PTPRD: variants seen among roughly 807,000 people sequenced by gnomAD.
PTPRD encodes the protein receptor-type tyrosine-protein phosphatase delta.
Under a neutral mutation model 214.5 loss-of-function variants are expected in PTPRD, and 34 were observed. That is an observed-to-expected ratio of 0.16 (90% CI 0.12 to 0.21). The LOEUF (loss-of-function observed/expected upper bound fraction) is 0.21, where lower values mean the gene tolerates loss of function less well. Ranked by LOEUF, PTPRD falls within the 10% of genes least tolerant of loss-of-function variation. PTPRD has a pLI of 1.00. For missense variants in PTPRD, 2,545 were observed against 2,398.7 expected, an observed-to-expected ratio of 1.06 and a Z score of -1.27; for synonymous variants, 1,128 against 845.7, an observed-to-expected ratio of 1.33 and a Z score of -5.79.
intron 14 of PTPRD, among the ~76,000 whole-genome samples, chr9:8,582,794 C>G (rs575077878): frequency 6.6e-6 from 1 of 152,116 alleles, no homozygotes; most frequent in Non-Finnish European, 1.5e-5. Context: ...GAAATATAAA[C>G]TGGGACAATC....
chr9:9,586,860 T>A (rs1592265552), intron 7 of PTPRD, among the ~76,000 whole-genome samples: 1 of 152,000 alleles, frequency 6.6e-6, no homozygotes, highest in South Asian at 2.1e-4. Context: ...TATTCCATTT[T>A]ATCAGTGTTT....
At chr9:10,174,086 T>A (rs2099230068) in intron 3 of PTPRD, among the ~76,000 whole-genome samples, 1 of 152,136 alleles carries the variant, frequency 6.6e-6, no homozygotes, top group South Asian at 2.1e-4. Flanking sequence ...ATTAAGACAA[T>A]TTGCCTAATG....
chr9:9,812,095 G>C (rs1286450374), intron 5 of PTPRD, among the ~76,000 whole-genome samples: 3 of 151,132 alleles, frequency 2.0e-5, no homozygotes, highest in Non-Finnish European at 2.9e-5. Context: ...ATAATTGTTA[G>C]CAGTTTTTAG....
At chr9:9,249,120 C>T (rs566203153) in intron 9 of PTPRD, among the ~76,000 whole-genome samples, 42 of 152,082 alleles carry the variant, frequency 2.8e-4, no homozygotes, top group African/African-American at 9.4e-4. Flanking sequence ...TGGTGCCCTC[C>T]TATGGTTAAG....
At chr9:10,338,489 G>A (rs1016225589) in intron 3 of PTPRD, among the ~76,000 whole-genome samples, 28 of 151,668 alleles carry the variant, frequency 1.8e-4, no homozygotes, top group East Asian at 1.9e-4. Context: ...CATACTGTGG[G>A]TATTCAGTGT....
At chr9:10,229,930 T>C (rs2154355242) in intron 3 of PTPRD, among the ~76,000 whole-genome samples, 1 of 152,114 alleles carries the variant, frequency 6.6e-6, no homozygotes, top group African/African-American at 2.4e-5. Flanking sequence ...CACAAGCTTA[T>C]ATTAAAGAAC....
chr9:8,543,277 TC>T (rs1362708007), intron 14 of PTPRD, among the ~76,000 whole-genome samples: 2 of 152,208 alleles, frequency 1.3e-5, no homozygotes, highest in Non-Finnish European at 2.9e-5. Flanking sequence ...AATCTCTAAT[TC>T]TTAACAAAGT....
chr9:8,586,709 T>C (rs1391308404), intron 14 of PTPRD, among the ~76,000 whole-genome samples: 4 of 152,230 alleles, frequency 2.6e-5, no homozygotes, highest in African/African-American at 9.6e-5. Context: ...CCTTTGGTTT[T>C]CTATTGCTAC....
chr9:8,474,433 C>T (rs927908256), intron 30 of PTPRD, among the ~76,000 whole-genome samples: 2 of 152,156 alleles, frequency 1.3e-5, no homozygotes, highest in Admixed American at 6.5e-5. Flanking sequence ...CTTTCCAAAG[C>T]CCGTCTCCTC....
At chr9:10,215,392 C>T (rs753528017) in intron 3 of PTPRD, among the ~76,000 whole-genome samples, 4 of 151,896 alleles carry the variant, frequency 2.6e-5, no homozygotes, top group Non-Finnish European at 2.9e-5. Flanking sequence ...AAGATAGGTA[C>T]TAAAATATGA....
chr9:10,004,437 G>T (rs1036837271), intron 4 of PTPRD, among the ~76,000 whole-genome samples: 17 of 151,884 alleles, frequency 1.1e-4, no homozygotes, highest in African/African-American at 4.1e-4. Flanking sequence ...AAATGTATAT[G>T]TGTATGGCAG....
intron 10 of PTPRD, among the ~76,000 whole-genome samples, chr9:9,173,872 A>C (rs554547659): frequency 2.6e-5 from 4 of 152,054 alleles, no homozygotes; most frequent in Non-Finnish European, 5.9e-5. Context: ...CTTGTTCAAC[A>C]CTGTATCCCA....
intron 9 of PTPRD, among the ~76,000 whole-genome samples, chr9:9,355,233 A>G (rs761169944): frequency 1.1e-4 from 17 of 151,640 alleles, no homozygotes; most frequent in Non-Finnish European, 1.9e-4. Context: ...TATACCTCGA[A>G]AAAGCTGGAC....
chr9:8,614,654 AAG>A (rs2095552946), intron 14 of PTPRD, among the ~76,000 whole-genome samples: 1 of 152,164 alleles, frequency 6.6e-6, no homozygotes, highest in African/African-American at 2.4e-5. Flanking sequence ...TGCAAGAAAT[AAG>A]AGGGCATATA....
intron 12 of PTPRD, among the ~76,000 whole-genome samples, chr9:8,706,645 T>C (rs1047782817): frequency 2.3e-4 from 35 of 152,178 alleles, no homozygotes; most frequent in African/African-American, 8.2e-4. Flanking sequence ...TGCGTGAGCA[T>C]ATGCCAGGCA....
chr9:9,376,575 C>CATTT (rs1252098487), intron 9 of PTPRD, among the ~76,000 whole-genome samples: 1 of 151,944 alleles, frequency 6.6e-6, no homozygotes, highest in Admixed American at 6.6e-5. Context: ...CAGAAATTGA[C>CATTT]ATTTAATAAA....
intron 11 of PTPRD, among the ~76,000 whole-genome samples, chr9:8,998,770 T>C (rs2099406732): frequency 6.6e-6 from 1 of 152,078 alleles, no homozygotes; most frequent in Admixed American, 6.6e-5. Context: ...CTAGTCTACA[T>C]GCCATTAAGA....
chr9:9,426,692 C>A (rs919796652), intron 8 of PTPRD, among the ~76,000 whole-genome samples: 6 of 152,114 alleles, frequency 3.9e-5, no homozygotes, highest in Non-Finnish European at 7.4e-5. Context: ...TGGCTGGGTG[C>A]CCCTCTGAGA....
intron 8 of PTPRD, among the ~76,000 whole-genome samples, chr9:9,436,815 A>G (rs1257216856): frequency 2.6e-5 from 4 of 152,068 alleles, no homozygotes; most frequent in African/African-American, 9.7e-5. Context: ...AGAATTTTCC[A>G]CACTGGTTCC....
Sources: allele counts gnomAD v4.1 joint callset (sites outside exome capture counted in the v4.1 genomes callset), GRCh38; gene constraint gnomAD v4.1.1; transcripts MANE v1.5; gene names NCBI Gene and HGNC (gene_info 2026-07-23, HGNC 2026-07-21).